NEU3: variants seen among roughly 807,000 people sequenced by gnomAD.
The protein encoded by NEU3 is neuraminidase 3, also known as sialidase-3.
Under a neutral mutation model 11.4 loss-of-function variants are expected in NEU3, and 10 were observed. The observed-to-expected ratio is 0.88, with a 90% confidence interval of 0.54 to 1.49. NEU3 has a LOEUF of 1.49. Among genes scored for constraint, NEU3 ranks in the 40% most tolerant of loss-of-function variants. The probability of loss-of-function intolerance (pLI) is 0.00; values close to 1 mark genes in which losing one functional copy is unlikely to be tolerated. For synonymous variants in NEU3, 212 were observed against 228.2 expected (o/e 0.93, Z 0.64); for missense variants, 529 against 581.8 (o/e 0.91, Z 0.93).
chr11:74,996,515 C>T (rs1011648690), intron 2 of NEU3, among the ~76,000 whole-genome samples: 2 of 152,192 alleles, frequency 1.3e-5, no homozygotes, highest in Non-Finnish European at 2.9e-5. Context: ...CTTGCTATTT[C>T]CACCATATCT....
intron 3 of NEU3, among the ~76,000 whole-genome samples, chr11:75,018,392 G>A (rs1948989741): frequency 6.6e-6 from 1 of 152,118 alleles, no homozygotes; most frequent in African/African-American, 2.4e-5. Flanking sequence ...GCTGGGAAAG[G>A]CAGACCCACT....
downstream of NEU3, among the ~76,000 whole-genome samples, chr11:75,012,492 A>G (rs1948962474): frequency 6.6e-6 from 1 of 152,206 alleles, no homozygotes; most frequent in Non-Finnish European, 1.5e-5. Context: ...CAGCCTCTTT[A>G]AAGTCACACA....
chr11:74,997,331 C>A (rs1207250840), intron 2 of NEU3, among the ~76,000 whole-genome samples: 4 of 152,198 alleles, frequency 2.6e-5, no homozygotes, highest in Non-Finnish European at 5.9e-5. Context: ...CCATCCTCTG[C>A]TACTTTCCAA....
At chr11:75,018,412 G>T (rs561423689) in intron 3 of NEU3, among the ~76,000 whole-genome samples, 30 of 152,182 alleles carry the variant, frequency 2.0e-4, no homozygotes, top group African/African-American at 6.0e-4. Context: ...TCTTAATCTG[G>T]GTGGGCACCA....
At chr11:74,984,694 CTT>C (rs759481760), upstream of NEU3, among the ~76,000 whole-genome samples, 11 of 152,180 alleles carry the variant, frequency 7.2e-5, no homozygotes, top group Non-Finnish European at 1.2e-4. Flanking sequence ...TTCCTTCAAA[CTT>C]TTATATAATT....
At chr11:75,002,673 T>C (rs1455090983) in intron 2 of NEU3, among the ~76,000 whole-genome samples, 1 of 152,248 alleles carries the variant, frequency 6.6e-6, no homozygotes, top group Non-Finnish European at 1.5e-5. Context: ...ACTTGTGGAC[T>C]CATATATAGA....
downstream of NEU3, among the ~76,000 whole-genome samples, chr11:75,015,694 T>G (rs1457188673): frequency 6.6e-6 from 1 of 152,162 alleles, no homozygotes; most frequent in Non-Finnish European, 1.5e-5. Flanking sequence ...TACTCACACT[T>G]TTGCCAGCCT....
intron 3 of NEU3, among the ~76,000 whole-genome samples, chr11:75,016,750 A>G (rs1319325031): frequency 6.6e-6 from 1 of 152,164 alleles, no homozygotes; most frequent in Non-Finnish European, 1.5e-5. Flanking sequence ...AAGTGACCCT[A>G]AGGATGATCC....
chr11:74,990,035 G>C (rs1319401869), intron 1 of NEU3: 1 of 702,068 alleles, frequency 1.4e-6, no homozygotes, highest in Non-Finnish European at 2.6e-6. Flanking sequence ...TCATCAACAC[G>C]ATCAGCATAA....
intron 2 of NEU3, among the ~76,000 whole-genome samples, chr11:75,004,068 G>A (rs1462695207): frequency 6.6e-6 from 1 of 152,116 alleles, no homozygotes; most frequent in African/African-American, 2.4e-5. Context: ...AATTTGATGA[G>A]CAGATATATC....
At chr11:74,989,526 G>T (rs1338209086) in intron 1 of NEU3, among the ~76,000 whole-genome samples, 1 of 152,072 alleles carries the variant, frequency 6.6e-6, no homozygotes, top group African/African-American at 2.4e-5. Flanking sequence ...CCCATCCCGG[G>T]CCCGAGTTTT....
In NEU3 at chr11:75,006,679, G is replaced by C. The variant is rs371730784; in HGVS notation, c.*187G>C. The C allele has an allele frequency of 2.3e-4, 142 of 630,654 alleles. No homozygotes were observed. The highest frequency in any genetic ancestry group is 1.7e-3 in the South Asian group (79 of 45,334). 39.1% of individuals were successfully genotyped at this position (630,654 alleles called of 1,614,324 possible). On this transcript the variant is annotated 3_prime_UTR_variant, in exon 3 of 3. Coordinates refer to ENST00000294064, the MANE Select transcript of NEU3 (RefSeq NM_006656.6). ...TGCAGTGGAAAGAGCACTGAACTAG[G>C]AGTTGGAAGACAAGGATGTGGTCCT...
In NEU3 at chr11:74,994,695, G is replaced by C. The variant is rs369320520; in HGVS notation, c.281G>C (p.Gly94Ala). ...GCTCTCCACCTGGTGCTGAGGCGAG[G>C]GTTGAGGATTGGGCAGTTGGTACAG... ...EDALHLVLRR[G>A]LRIGQLVQWG... is the part of the protein sequence containing the mutation. The change falls in exon 2 of 3, where the codon GGG (glycine) becomes GCG (alanine). Residue 94 changes from glycine to alanine, a missense_variant. Transcript: ENST00000294064. The C allele has an allele frequency of 1.2e-6, 2 of 1,613,916 alleles. No individual in the cohort carries two copies. The highest frequency in any genetic ancestry group is 2.7e-5 in the African/African-American group (2 of 74,934).
rs920681610 is a variant in NEU3, at chr11:74,998,235, A to T, written c.306+3515A>T. Among the ~76,000 whole-genome samples, 3 of 152,364 alleles carry T rather than the reference A, an allele frequency of 2.0e-5. No homozygotes were observed. In the South Asian group the frequency reaches 6.2e-4, roughly 32 times the overall value. ...ACAGTAATAACATCAAAGATCACTG[A>T]TGAAAGATCACCATAACAGATTTAA... is the stretch of plus-strand genomic sequence containing the variant. On this transcript the variant is annotated intron_variant, in intron 2 of 2. Transcript: ENST00000294064.
upstream of NEU3, among the ~76,000 whole-genome samples, chr11:74,984,926 A>G (rs1948656719): frequency 6.6e-6 from 1 of 152,156 alleles, no homozygotes; most frequent in Non-Finnish European, 1.5e-5. Context: ...CATTTTACAG[A>G]TGAGGAACCT....
intron 1 of NEU3, among the ~76,000 whole-genome samples, chr11:74,992,821 G>T (rs140988129): frequency 6.6e-6 from 1 of 152,128 alleles, no homozygotes; most frequent in Non-Finnish European, 1.5e-5. Flanking sequence ...TTAGCTGGGC[G>T]TGCTGGCGGG....
intron 1 of NEU3, 70 bp from the exon 2 acceptor site, chr11:74,994,439 T>G (rs1948764685): frequency 4.7e-6 from 6 of 1,274,400 alleles, no homozygotes; most frequent in Non-Finnish European, 6.5e-6. Flanking sequence ...AGTGAAATGA[T>G]GAAGCAGAAT....
intron 2 of NEU3, chr11:75,004,474 G>C (rs1359899492): frequency 2.1e-6 from 1 of 477,410 alleles, no homozygotes; most frequent in East Asian, 3.5e-5. Context: ...CTTTCTGTGA[G>C]TTGTCTGATC....
At chr11:74,988,901 G>A, upstream of NEU3, 2 of 639,898 alleles carry the variant, frequency 3.1e-6, no homozygotes, top group Non-Finnish European at 5.5e-6. Context: ...GCCTGCGCCC[G>A]CCTCTTTTCG....
Sources: gnomAD v4.1 joint callset for allele counts (sites outside exome capture counted in the v4.1 genomes callset) on GRCh38, gnomAD v4.1.1 for gene constraint, MANE v1.5 for transcripts, NCBI Gene and HGNC (gene_info 2026-07-23, HGNC 2026-07-21) for gene names.